The following MTUS2 variants were observed in gnomAD, a reference collection of about 807,000 sequenced individuals.
MTUS2 encodes microtubule-associated tumor suppressor candidate 2.
Under a neutral mutation model 114.1 loss-of-function variants are expected in MTUS2, and 40 were observed. The ratio of observed to expected loss-of-function variants is 0.35; its 90% CI spans 0.27 to 0.46. The LOEUF (loss-of-function observed/expected upper bound fraction) is 0.46. MTUS2 is among the 20% of genes least tolerant of loss of function. The probability of loss-of-function intolerance (pLI) is 1.00; values close to 1 mark genes in which losing one functional copy is unlikely to be tolerated. For synonymous variants in MTUS2, 688 were observed against 672.0 expected, an observed-to-expected ratio of 1.02 and a Z score of -0.37; for missense variants, 1,679 against 1,705.4, an observed-to-expected ratio of 0.98 and a Z score of 0.27.
At chr13:29,389,327 G>GTA (rs1566172333) in intron 8 of MTUS2, among the ~76,000 whole-genome samples, 3 of 63,792 alleles carry the variant, frequency 4.7e-5, no homozygotes, top group African/African-American at 1.4e-4. Context: ...ACACATATGT[G>GTA]TGTATATATG....
chr13:29,296,195 GTTTT>G (rs869070908), intron 6 of MTUS2, among the ~76,000 whole-genome samples: 2 of 114,650 alleles, frequency 1.7e-5, no homozygotes, highest in East Asian at 3.8e-4. Flanking sequence ...CTATTTTTAG[GTTTT>G]TGTTTGTTTG....
chr13:29,443,000 A>G lies in MTUS2; in HGVS notation c.3184+2951A>G, dbSNP rs541790926. On this transcript the variant is annotated intron_variant, in intron 9 of 15. Transcript: ENST00000612955. ...GTCAAGTCTGTAGCCCTGAAATGCT[A>G]TAAGCCAATCCCAGAGTATGCTTCT... is the stretch of plus-strand genomic sequence containing the variant. 7.2e-5 allele frequency among the ~76,000 whole-genome samples: 11 copies of G among 152,326 alleles called. No individual in the cohort carries two copies. The South Asian group carries it at 2.1e-3, about 29-fold the overall frequency.
intron 6 of MTUS2, among the ~76,000 whole-genome samples, chr13:29,297,398 T>C (rs1240885302): frequency 6.6e-6 from 1 of 152,214 alleles, no homozygotes; most frequent in Admixed American, 6.5e-5. Flanking sequence ...TAGGGCTTTG[T>C]ATATTCAACT....
intron 6 of MTUS2, among the ~76,000 whole-genome samples, chr13:29,318,882 C>G (rs1190106013): frequency 1.3e-5 from 2 of 152,184 alleles, no homozygotes; most frequent in Non-Finnish European, 2.9e-5. Context: ...CTAGGACCAT[C>G]TGGGTTTGTA....
chr13:29,163,916 G>C (rs74753932), intron 5 of MTUS2, among the ~76,000 whole-genome samples: 1 of 152,006 alleles, frequency 6.6e-6, no homozygotes, highest in Non-Finnish European at 1.5e-5. Context: ...GCCCTAACAG[G>C]GTGCGGACCC....
intron 2 of MTUS2, among the ~76,000 whole-genome samples, chr13:28,993,417 T>C (rs1884948773): frequency 6.6e-6 from 1 of 152,248 alleles, no homozygotes; most frequent in African/African-American, 2.4e-5. Flanking sequence ...TTTGTTATTC[T>C]CCTGTGCATT....
chr13:28,916,088 T>TA, intron 2 of MTUS2, among the ~76,000 whole-genome samples: 1 of 151,938 alleles, frequency 6.6e-6, no homozygotes, highest in Non-Finnish European at 1.5e-5. Context: ...CTGACACCTT[T>TA]GTGAAAATGA....
At chr13:28,879,474 T>C (rs1878157759) in intron 2 of MTUS2, among the ~76,000 whole-genome samples, 2 of 152,278 alleles carry the variant, frequency 1.3e-5, no homozygotes, top group East Asian at 3.9e-4. Flanking sequence ...GGCTCCATTT[T>C]ACTTTTTAGA....
At chr13:28,951,566 C>T (rs947006268) in intron 2 of MTUS2, among the ~76,000 whole-genome samples, 9 of 152,154 alleles carry the variant, frequency 5.9e-5, no homozygotes, top group Non-Finnish European at 1.2e-4. Flanking sequence ...TGGGAGGCCA[C>T]AGTGGGTAGA....
chr13:29,034,187 TG>T, intron 4 of MTUS2, 62 bp downstream of exon 4: 1 of 1,597,778 alleles, frequency 6.3e-7, no homozygotes, highest in Non-Finnish European at 8.6e-7. Flanking sequence ...TCATGTAAGA[TG>T]GTGATAATTG....
chr13:29,429,665 T>G (rs1446183521), intron 8 of MTUS2, among the ~76,000 whole-genome samples: 2 of 152,240 alleles, frequency 1.3e-5, no homozygotes, highest in East Asian at 3.8e-4. Flanking sequence ...CAAGAACTCT[T>G]GTCTCTGTGA....
At chr13:29,171,134 G>GAC (rs1469782514) in intron 5 of MTUS2, among the ~76,000 whole-genome samples, 1 of 117,176 alleles carries the variant, frequency 8.5e-6, no homozygotes, top group Non-Finnish European at 1.9e-5. Context: ...GTGAGTGAGA[G>GAC]AGAGAGAGTG....
intron 2 of MTUS2, among the ~76,000 whole-genome samples, chr13:28,874,334 A>G (rs181451686): frequency 1.3e-5 from 2 of 152,290 alleles, no homozygotes; most frequent in African/African-American, 4.8e-5. Flanking sequence ...TTCAAGATAA[A>G]CTATTCAATT....
chr13:29,251,403 A>G (rs1897120616), intron 5 of MTUS2, among the ~76,000 whole-genome samples: 1 of 152,148 alleles, frequency 6.6e-6, no homozygotes, highest in African/African-American at 2.4e-5. Context: ...GATTGGTGCA[A>G]AAGTAATTGC....
intron 2 of MTUS2, among the ~76,000 whole-genome samples, chr13:29,002,458 A>G (rs146160253): frequency 4.1e-4 from 63 of 152,324 alleles, no homozygotes; most frequent in African/African-American, 1.5e-3. Flanking sequence ...ACAGAATTTG[A>G]TTATCTATTA....
intron 5 of MTUS2, among the ~76,000 whole-genome samples, chr13:29,275,026 G>T (rs951413059): frequency 6.6e-6 from 1 of 152,226 alleles, no homozygotes; most frequent in African/African-American, 2.4e-5. Flanking sequence ...GAGCCATCAT[G>T]CCCAGCCTAT....
At chr13:28,958,357 A>G (rs556345302) in intron 2 of MTUS2, among the ~76,000 whole-genome samples, 3 of 152,238 alleles carry the variant, frequency 2.0e-5, no homozygotes, top group Non-Finnish European at 4.4e-5. Flanking sequence ...AAATGAATCT[A>G]TAAGTACGGT....
chr13:29,210,646 C>G (rs1304433519), intron 5 of MTUS2, among the ~76,000 whole-genome samples: 1 of 152,162 alleles, frequency 6.6e-6, no homozygotes, highest in Non-Finnish European at 1.5e-5. Context: ...TCTCCCTTCC[C>G]CTAGGGATGG....
At chr13:28,956,761 A>G (rs1361739201) in intron 2 of MTUS2, among the ~76,000 whole-genome samples, 4 of 152,138 alleles carry the variant, frequency 2.6e-5, no homozygotes, top group Non-Finnish European at 5.9e-5. Context: ...GTGGGAAGGA[A>G]GTGTGGCGGG....
Sources: gnomAD v4.1 joint callset for allele counts (sites outside exome capture counted in the v4.1 genomes callset) on GRCh38, gnomAD v4.1.1 for gene constraint, MANE v1.5 for transcripts, NCBI Gene and HGNC (gene_info 2026-07-23, HGNC 2026-07-21) for gene names.